The following BBS9 variants were observed in gnomAD, a reference collection of about 807,000 sequenced individuals.
BBS9 encodes the protein protein PTHB1.
Under a neutral mutation model 117.7 loss-of-function variants are expected in BBS9, and 89 were observed. The observed-to-expected ratio is 0.76, with a 90% CI of 0.64 to 0.90. The LOEUF is 0.90. Among genes scored for constraint, BBS9 ranks in the 40% least tolerant of loss-of-function variants. The pLI is 0.00. For missense variants in BBS9, 982 were observed against 1,042.2 expected, an observed-to-expected ratio of 0.94 and a Z score of 0.80; for synonymous variants, 379 against 370.9, an observed-to-expected ratio of 1.02 and a Z score of -0.25.
chr7:33,519,559 A>G (rs1230770997), intron 20 of BBS9, among the ~76,000 whole-genome samples: 1 of 146,620 alleles, frequency 6.8e-6, no homozygotes, highest in Non-Finnish European at 1.5e-5. Flanking sequence ...TCGCCCAACC[A>G]AACTGGCACA....
chr7:33,230,826 G>A (rs1170934591), intron 5 of BBS9, among the ~76,000 whole-genome samples: 1 of 152,146 alleles, frequency 6.6e-6, no homozygotes, highest in Non-Finnish European at 1.5e-5. Context: ...TTAATTGATA[G>A]GGACTTAGGT....
chr7:33,391,039 A>C (rs935200478), intron 19 of BBS9, among the ~76,000 whole-genome samples: 2 of 152,214 alleles, frequency 1.3e-5, no homozygotes, highest in African/African-American at 4.8e-5. Flanking sequence ...TTAAAGGACA[A>C]ATCTTAATAA....
chr7:33,560,436 C>T (rs767413220), intron 21 of BBS9, among the ~76,000 whole-genome samples: 26 of 152,086 alleles, frequency 1.7e-4, no homozygotes, highest in East Asian at 3.8e-4. Flanking sequence ...CCAAACTTGC[C>T]GTTAACTTTG....
At chr7:33,571,415 A>C (rs543679991) in intron 21 of BBS9, among the ~76,000 whole-genome samples, 1 of 152,216 alleles carries the variant, frequency 6.6e-6, no homozygotes, top group Admixed American at 6.5e-5. Flanking sequence ...CAACTGGAAA[A>C]CATAAAATGC....
chr7:33,274,454 A>G (rs1463590525), intron 9 of BBS9, among the ~76,000 whole-genome samples: 1 of 152,222 alleles, frequency 6.6e-6, no homozygotes, highest in Non-Finnish European at 1.5e-5. Flanking sequence ...ATTGAAAAAC[A>G]GAATTCATAC....
intron 19 of BBS9, among the ~76,000 whole-genome samples, chr7:33,492,465 T>C (rs775330717): frequency 6.6e-6 from 1 of 152,174 alleles, no homozygotes; most frequent in Non-Finnish European, 1.5e-5. Flanking sequence ...TAATCACTTA[T>C]GATGAGGACG....
chr7:33,356,134 C>T (rs1819576553), intron 15 of BBS9, among the ~76,000 whole-genome samples: 1 of 151,750 alleles, frequency 6.6e-6, no homozygotes, highest in African/African-American at 2.4e-5. Context: ...GTTTAAGTTT[C>T]CTTGTTCTTT....
intron 9 of BBS9, among the ~76,000 whole-genome samples, chr7:33,292,605 A>G (rs1160391095): frequency 6.6e-6 from 1 of 152,212 alleles, no homozygotes; most frequent in Non-Finnish European, 1.5e-5. Context: ...TCCCATGAAG[A>G]GTCTTAGATC....
chr7:33,204,262 G>A (rs1457574849), intron 5 of BBS9, among the ~76,000 whole-genome samples: 1 of 4,204 alleles, frequency 2.4e-4, no homozygotes, highest in African/African-American at 9.0e-4. Flanking sequence ...AAATTAGCCG[G>A]TGGTGGTGGT....
intron 20 of BBS9, among the ~76,000 whole-genome samples, chr7:33,520,504 G>T (rs564151902): frequency 6.6e-6 from 1 of 152,040 alleles, no homozygotes; most frequent in Non-Finnish European, 1.5e-5. Context: ...ATATTGTCCT[G>T]GTTTTTTACT....
chr7:33,622,434 A>G (rs1358840927), intron 21 of BBS9, among the ~76,000 whole-genome samples: 1 of 152,184 alleles, frequency 6.6e-6, no homozygotes, highest in Non-Finnish European at 1.5e-5. Flanking sequence ...AAAATTGTTA[A>G]GTGAGTAGAT....
intron 12 of BBS9, 105 bp from the exon 13 acceptor site, chr7:33,348,963 G>A: frequency 6.4e-6 from 5 of 786,346 alleles, no homozygotes; most frequent in Non-Finnish European, 1.1e-5. Context: ...TTTTTCCTCA[G>A]GTAATATTTT....
intron 3 of BBS9, 116 bp from the exon 4 acceptor site, chr7:33,155,522 G>A: frequency 1.5e-6 from 1 of 679,490 alleles, no homozygotes; most frequent in Non-Finnish European, 2.6e-6. Context: ...CTAATGAATT[G>A]TTTTGTTTAC....
chr7:33,151,920 C>T (rs1240283107), intron 2 of BBS9, among the ~76,000 whole-genome samples: 3 of 144,544 alleles, frequency 2.1e-5, no homozygotes, highest in African/African-American at 5.1e-5. Flanking sequence ...TACAGTGGCA[C>T]GATTAGAGCT....
At chr7:33,328,333 C>T (rs1275306675) in intron 9 of BBS9, among the ~76,000 whole-genome samples, 1 of 152,176 alleles carries the variant, frequency 6.6e-6, no homozygotes, top group African/African-American at 2.4e-5. Flanking sequence ...GAAGTCCTCC[C>T]AATTAGACCA....
At chr7:33,374,545 AG>A (rs1314546850) in intron 17 of BBS9, among the ~76,000 whole-genome samples, 1 of 152,204 alleles carries the variant, frequency 6.6e-6, no homozygotes, top group Non-Finnish European at 1.5e-5. Flanking sequence ...CCTGTTGAAA[AG>A]TAAGCGTTGA....
At position 33,357,941 on chromosome 7, in the gene BBS9, A is replaced by G; in HGVS notation, c.1639A>G (p.Lys547Glu). ...PGQPSKTASH[K>E]ITIDTNKSPV... ...TCAGCCTTCAAAAACTGCAAGCCAC[A>G]AAATTACTATTGATACCAACAAATC... Residue 547 changes from lysine to glutamate, a missense_variant, in exon 16 of 23, where the codon AAA becomes GAA. Transcript: ENST00000242067. 1 of 1,612,710 alleles carries G rather than the reference A, an allele frequency of 6.2e-7. No individual in the cohort carries two copies. The highest frequency in any genetic ancestry group is 8.5e-7 in the Non-Finnish European group (1 of 1,179,002).
chr7:33,249,163 A>G (rs1044111001), intron 5 of BBS9, among the ~76,000 whole-genome samples: 1 of 152,030 alleles, frequency 6.6e-6, no homozygotes, highest in Non-Finnish European at 1.5e-5. Flanking sequence ...CCTTGTTGCC[A>G]TAATAATGAA....
intron 9 of BBS9, among the ~76,000 whole-genome samples, chr7:33,285,772 G>A (rs182450317): frequency 6.6e-6 from 1 of 152,060 alleles, no homozygotes; most frequent in Non-Finnish European, 1.5e-5. Flanking sequence ...ACATGGAAAA[G>A]ACCTTGTAGG....
Sources: gnomAD v4.1 joint callset for allele counts (sites outside exome capture counted in the v4.1 genomes callset) on GRCh38, gnomAD v4.1.1 for gene constraint, MANE v1.5 for transcripts, NCBI Gene and HGNC (gene_info 2026-07-23, HGNC 2026-07-21) for gene names.